The following UNC13C variants were observed in gnomAD, a reference collection of about 807,000 sequenced individuals.
UNC13C encodes the protein unc-13 homolog C, also known as protein unc-13 homolog C.
A neutral mutation model predicts 245.4 loss-of-function variants in UNC13C; 174 were observed. The ratio of observed to expected loss-of-function variants is 0.71; its 90% confidence interval spans 0.63 to 0.80. The LOEUF is 0.80. UNC13C is among the 30% of genes least tolerant of loss of function. The pLI is 0.00. For synonymous variants in UNC13C, 992 were observed against 895.1 expected (o/e 1.11, Z -1.93); for missense variants, 2,829 against 2,602.9 (o/e 1.09, Z -1.89).
chr15:53,877,831 A>G, the UNC13C span, among the ~76,000 whole-genome samples: 1 of 152,148 alleles, frequency 6.6e-6, no homozygotes, highest in African/African-American at 2.4e-5. Context: ...TTTGTACTCA[A>G]TATGCCAATT....
chr15:54,189,038 T>G (rs2034090824), intron 4 of UNC13C, among the ~76,000 whole-genome samples: 1 of 152,174 alleles, frequency 6.6e-6, no homozygotes, highest in Admixed American at 6.5e-5. Flanking sequence ...GTGAATGATA[T>G]TCTCCTACAA....
At chr15:54,365,604 A>G (rs2039346270) in intron 17 of UNC13C, among the ~76,000 whole-genome samples, 1 of 152,122 alleles carries the variant, frequency 6.6e-6, no homozygotes, top group South Asian at 2.1e-4. Context: ...TTGGGATGGC[A>G]TATAAGACCA....
chr15:54,049,208 A>G, intron 2 of UNC13C: 1 of 481,294 alleles, frequency 2.1e-6, no homozygotes, highest in South Asian at 1.8e-5. Flanking sequence ...TTTTTTCATC[A>G]GCTTTGTCTC....
At chr15:54,137,718 C>A (rs1237502222) in intron 2 of UNC13C, among the ~76,000 whole-genome samples, 1 of 151,736 alleles carries the variant, frequency 6.6e-6, no homozygotes, top group African/African-American at 2.4e-5. Context: ...CCCTTATTTT[C>A]TTGGTGAGTC....
chr15:54,236,437 TA>T lies in UNC13C; in HGVS notation c.3156+4del. The T allele has an allele frequency of 6.3e-7, 1 of 1,591,504 alleles. No individual in the cohort carries two copies. Among genetic ancestry groups the T allele is most frequent in the Non-Finnish European group, 8.5e-7 (1 of 1,174,766 alleles). The stretch of plus-strand genomic sequence containing the variant: ...CACTTCTGGAATCTTCAGGCCATGG[TA>T]AGTGCTTTGCTATTTATTTAATTAA... On this transcript the variant is annotated splice_donor_region_variant and intron_variant, in intron 6 of 32. Transcript: ENST00000260323.
intron 26 of UNC13C, among the ~76,000 whole-genome samples, chr15:54,533,346 A>T (rs1160741210): frequency 6.6e-6 from 1 of 152,208 alleles, no homozygotes; most frequent in Non-Finnish European, 1.5e-5. Flanking sequence ...GCAGAGAAAG[A>T]TTTAGAACTT....
chr15:54,274,667 C>CTTTTCTTTT (rs2036781357), intron 10 of UNC13C, among the ~76,000 whole-genome samples: 1 of 91,602 alleles, frequency 1.1e-5, no homozygotes, highest in Non-Finnish European at 2.0e-5. Context: ...ATAAAGTAGA[C>CTTTTCTTTT]TTTTTTTTTT....
chr15:54,338,562 T>A, intron 17 of UNC13C, 73 bp downstream of exon 17: 1 of 1,491,554 alleles, frequency 6.7e-7, no homozygotes, highest in African/African-American at 1.4e-5. Flanking sequence ...TTTAGCATAA[T>A]AGTAAATAGA....
intron 2 of UNC13C, among the ~76,000 whole-genome samples, chr15:54,033,033 G>C (rs1042785214): frequency 6.6e-6 from 1 of 152,106 alleles, no homozygotes; most frequent in African/African-American, 2.4e-5. Flanking sequence ...ATTGAGTTCA[G>C]TGTATGCTGC....
intron 4 of UNC13C, among the ~76,000 whole-genome samples, chr15:54,150,345 G>A (rs1208682890): frequency 6.6e-6 from 1 of 152,216 alleles, no homozygotes; most frequent in Admixed American, 6.5e-5. Flanking sequence ...ACAGCTGCTC[G>A]AAAGGAGCCT....
At chr15:54,166,561 CAG>C (rs781170657) in intron 4 of UNC13C, among the ~76,000 whole-genome samples, 62 of 152,084 alleles carry the variant, frequency 4.1e-4, no homozygotes, top group Admixed American at 6.5e-4. Flanking sequence ...AAGGAAGAAA[CAG>C]AGCTGTCTTT....
At chr15:54,398,699 C>A (rs1471203265) in intron 18 of UNC13C, among the ~76,000 whole-genome samples, 1 of 151,172 alleles carries the variant, frequency 6.6e-6, no homozygotes, top group East Asian at 1.9e-4. Context: ...TAGTTTGTAT[C>A]TTCAAGAAAA....
chr15:54,273,200 T>A (rs2036733964), intron 10 of UNC13C, among the ~76,000 whole-genome samples: 1 of 152,194 alleles, frequency 6.6e-6, no homozygotes, highest in African/African-American at 2.4e-5. Context: ...CAGAAAGTCC[T>A]TGCAGAAACC....
intron 19 of UNC13C, among the ~76,000 whole-genome samples, chr15:54,454,182 A>C (rs1411867881): frequency 6.6e-6 from 1 of 152,072 alleles, no homozygotes; most frequent in Non-Finnish European, 1.5e-5. Context: ...TGTGCAAATC[A>C]GTGGCATGAG....
chr15:53,844,106 A>G, the UNC13C span, among the ~76,000 whole-genome samples: 1 of 152,202 alleles, frequency 6.6e-6, no homozygotes, highest in Non-Finnish European at 1.5e-5. Context: ...CCCAGAGCAT[A>G]CGTAAATGTG....
chr15:53,905,324 G>A, the UNC13C span, among the ~76,000 whole-genome samples: 1 of 150,558 alleles, frequency 6.6e-6, no homozygotes, highest in African/African-American at 2.4e-5. Context: ...GTGTCCTTTG[G>A]CAGATGAATG....
At chr15:54,414,195 A>G (rs1333290052) in intron 18 of UNC13C, among the ~76,000 whole-genome samples, 1 of 152,206 alleles carries the variant, frequency 6.6e-6, no homozygotes, top group Non-Finnish European at 1.5e-5. Context: ...CTTTGTTCAT[A>G]TAATTCACAT....
chr15:54,543,028 T>A (rs1312016736), intron 26 of UNC13C, among the ~76,000 whole-genome samples: 8 of 152,158 alleles, frequency 5.3e-5, no homozygotes, highest in East Asian at 1.9e-4. Flanking sequence ...TGTGTGAATT[T>A]GGTCCTGTCG....
At chr15:54,529,553 G>A (rs142313836) in intron 25 of UNC13C, among the ~76,000 whole-genome samples, 11 of 152,186 alleles carry the variant, frequency 7.2e-5, no homozygotes, top group African/African-American at 2.4e-4. Flanking sequence ...ACAGTGATTG[G>A]CACATAATAG....
Sources: allele counts gnomAD v4.1 joint callset (sites outside exome capture counted in the v4.1 genomes callset), GRCh38; gene constraint gnomAD v4.1.1; transcripts MANE v1.5; gene names NCBI Gene and HGNC (gene_info 2026-07-23, HGNC 2026-07-21).